The following FAM13A variants were observed in gnomAD, a reference collection of about 807,000 sequenced individuals.
The protein encoded by FAM13A is protein FAM13A.
Under a neutral mutation model 129.6 loss-of-function variants are expected in FAM13A, and 76 were observed. That is an observed-to-expected ratio of 0.59 (90% confidence interval 0.49 to 0.71). The LOEUF is 0.71. FAM13A is among the 30% of genes least tolerant of loss of function. The pLI, the probability that FAM13A is intolerant of heterozygous loss-of-function variation, is 0.00. For synonymous variants in FAM13A, 443 were observed against 449.9 expected (o/e 0.98, Z 0.20); for missense variants, 1,108 against 1,249.3 (o/e 0.89, Z 1.70).
chr4:89,020,885 G>C (rs1014337062), intron 2 of FAM13A, among the ~76,000 whole-genome samples: 1 of 152,008 alleles, frequency 6.6e-6, no homozygotes, highest in African/African-American at 2.4e-5. Context: ...TATATGATTG[G>C]TATAAAACCC....
At chr4:88,909,739 C>G (rs979083566) in intron 5 of FAM13A, among the ~76,000 whole-genome samples, 1 of 152,130 alleles carries the variant, frequency 6.6e-6, no homozygotes, top group African/African-American at 2.4e-5. Flanking sequence ...CCCACCCTGG[C>G]CTCCCAAAGT....
chr4:88,878,527 T>G (rs1319350201), intron 6 of FAM13A, among the ~76,000 whole-genome samples: 2 of 152,110 alleles, frequency 1.3e-5, no homozygotes, highest in African/African-American at 4.8e-5. Context: ...ATAAATCAAT[T>G]TAAAGGAGTC....
chr4:88,941,167 C>G (rs1754699550), intron 4 of FAM13A, among the ~76,000 whole-genome samples: 1 of 152,180 alleles, frequency 6.6e-6, no homozygotes, highest in Non-Finnish European at 1.5e-5. Flanking sequence ...GTCACCCATG[C>G]TAAAATTCCA....
chr4:88,999,019 G>A (rs989025386), intron 3 of FAM13A, among the ~76,000 whole-genome samples: 3 of 152,220 alleles, frequency 2.0e-5, no homozygotes, highest in Admixed American at 1.3e-4. Flanking sequence ...GTGAAACTAC[G>A]AATCTTATCA....
intron 6 of FAM13A, among the ~76,000 whole-genome samples, chr4:88,898,370 T>G (rs1350064225): frequency 6.6e-6 from 1 of 152,184 alleles, no homozygotes; most frequent in African/African-American, 2.4e-5. Context: ...ACATTTGAAT[T>G]TATCATCTGT....
chr4:89,037,774 C>T (rs1769580447), intron 1 of FAM13A, among the ~76,000 whole-genome samples: 1 of 152,092 alleles, frequency 6.6e-6, no homozygotes, highest in South Asian at 2.1e-4. Flanking sequence ...AGTCAGTTCT[C>T]ACAAGATCTG....
intron 5 of FAM13A, among the ~76,000 whole-genome samples, chr4:88,932,466 G>A (rs1228529322): frequency 6.6e-6 from 1 of 152,182 alleles, no homozygotes; most frequent in Non-Finnish European, 1.5e-5. Context: ...ACAGGGACAT[G>A]TCTTATTTAT....
intron 6 of FAM13A, among the ~76,000 whole-genome samples, chr4:88,857,402 C>CA (rs1738703812): frequency 1.3e-5 from 2 of 151,916 alleles, no homozygotes; most frequent in African/African-American, 2.4e-5. Context: ...CCAAGGCAGG[C>CA]GGATCACTTG....
At chr4:88,927,047 C>T (rs112414784) in intron 5 of FAM13A, among the ~76,000 whole-genome samples, 1 of 152,154 alleles carries the variant, frequency 6.6e-6, no homozygotes, top group Non-Finnish European at 1.5e-5. Flanking sequence ...AAGGTTAATT[C>T]TATCTTTGTT....
At chr4:88,921,380 G>C (rs1386619830) in intron 5 of FAM13A, among the ~76,000 whole-genome samples, 2 of 152,228 alleles carry the variant, frequency 1.3e-5, no homozygotes, top group Non-Finnish European at 2.9e-5. Flanking sequence ...AGCCAGAAGA[G>C]AGTGAGGGCC....
intron 13 of FAM13A, among the ~76,000 whole-genome samples, chr4:88,761,038 T>C (rs78114325): frequency 0.091 from 13,827 of 152,180 alleles, 777 homozygotes; most frequent in African/African-American, 0.15. Flanking sequence ...CCTCATGCTA[T>C]GGAAAGGACA....
chr4:88,961,329 C>T (rs1758564083), intron 4 of FAM13A, among the ~76,000 whole-genome samples: 1 of 140,462 alleles, frequency 7.1e-6, no homozygotes, highest in African/African-American at 2.7e-5. Context: ...AACAAATCCT[C>T]AGCTTTGTGG....
At chr4:89,020,155 G>T (rs1767049279) in intron 3 of FAM13A, among the ~76,000 whole-genome samples, 6 of 152,036 alleles carry the variant, frequency 3.9e-5, no homozygotes, top group Admixed American at 3.3e-4. Flanking sequence ...TTACATAGGG[G>T]ATGAGGGCCT....
At position 89,029,656 on chromosome 4, in the gene FAM13A, G is replaced by T; in HGVS notation, c.28-7C>A. ...GAACCGCTGCTTTACTTTGCTTAAA[G>T]GAGCGTAAGAAAAAAGAGCAGTCAG... is the stretch of plus-strand genomic sequence containing the variant. On this transcript the variant is annotated splice_polypyrimidine_tract_variant and splice_region_variant and intron_variant, in intron 1 of 23. Coordinates refer to ENST00000264344, the MANE Select transcript of FAM13A (RefSeq NM_014883.4). The T allele has an allele frequency of 6.4e-7, 1 of 1,568,668 alleles. No homozygotes were observed.
intron 7 of FAM13A, among the ~76,000 whole-genome samples, chr4:88,822,028 T>C (rs2149834126): frequency 6.6e-6 from 1 of 152,376 alleles, no homozygotes; most frequent in African/African-American, 2.4e-5. Flanking sequence ...AAATTAGTTT[T>C]TGTCTAGTTT....
chr4:89,027,347 A>T (rs1051101389), intron 2 of FAM13A, among the ~76,000 whole-genome samples: 38 of 152,146 alleles, frequency 2.5e-4, no homozygotes, highest in Non-Finnish European at 4.9e-4. Flanking sequence ...CCTCTAAAAA[A>T]ATTTTTTTTA....
chr4:88,975,262 T>C (rs2704573), intron 4 of FAM13A, among the ~76,000 whole-genome samples: 109,554 of 151,854 alleles, frequency 0.72, 39,973 homozygotes, highest in African/African-American at 0.85. Context: ...ATAGTAACCT[T>C]GTCGGAGAAA....
intron 6 of FAM13A, among the ~76,000 whole-genome samples, chr4:88,880,661 A>G (rs1343321230): frequency 6.6e-6 from 1 of 152,014 alleles, no homozygotes; most frequent in Non-Finnish European, 1.5e-5. Flanking sequence ...GGGAGGTGCA[A>G]ACCATGAAAG....
rs185747145 is a variant in FAM13A at position 88,885,636 on chromosome 4, A to G, written c.843+20743T>C. On this transcript the variant is annotated intron_variant, in intron 6 of 23. Coordinates refer to ENST00000264344, the MANE Select transcript of FAM13A (RefSeq NM_014883.4). ...GTCCAAGAACCCAAAAGCATATGCAACAATAACAAAGATAAATAGATGGGA... is the reference window on the plus strand; with the variant it reads ...GTCCAAGAACCCAAAAGCATATGCAGCAATAACAAAGATAAATAGATGGGA... 3.2e-3 allele frequency among the ~76,000 whole-genome samples: 493 copies of G among 152,350 alleles called. 3 individuals are homozygous for G. The highest frequency in any genetic ancestry group is 5.7e-3 in the Admixed American group (87 of 15,296).
Sources: gnomAD v4.1 joint callset for allele counts (sites outside exome capture counted in the v4.1 genomes callset) on GRCh38, gnomAD v4.1.1 for gene constraint, MANE v1.5 for transcripts, NCBI Gene and HGNC (gene_info 2026-07-23, HGNC 2026-07-21) for gene names.